The following PDLIM5 variants were observed in gnomAD, a reference collection of about 807,000 sequenced individuals.
PDLIM5 encodes the protein PDZ and LIM domain 5, also known as PDZ and LIM domain protein 5.
In PDLIM5, 34 loss-of-function variants were observed where a neutral mutation model predicts 64.2. The observed-to-expected ratio is 0.53, with a 90% CI of 0.40 to 0.71. The LOEUF (loss-of-function observed/expected upper bound fraction) is 0.71. PDLIM5 is among the 30% of genes least tolerant of loss of function. The pLI, the probability that PDLIM5 is intolerant of heterozygous loss-of-function variation, is 0.00. For synonymous variants in PDLIM5, 253 were observed against 269.1 expected, an observed-to-expected ratio of 0.94 and a Z score of 0.59; for missense variants, 683 against 733.6, an observed-to-expected ratio of 0.93 and a Z score of 0.80.
chr4:94,520,088 T>C (rs951149129), intron 2 of PDLIM5, among the ~76,000 whole-genome samples: 4 of 152,124 alleles, frequency 2.6e-5, no homozygotes, highest in African/African-American at 9.7e-5. Flanking sequence ...TTTCCTTCAT[T>C]TCAGCATCAG....
intron 5 of PDLIM5, among the ~76,000 whole-genome samples, chr4:94,583,783 A>G (rs916902237): frequency 6.6e-6 from 1 of 152,206 alleles, no homozygotes; most frequent in African/African-American, 2.4e-5. Context: ...GTCGTAGAAC[A>G]TGTATTACAG....
chr4:94,601,408 G>C (rs973162492), intron 7 of PDLIM5, among the ~76,000 whole-genome samples: 1 of 152,136 alleles, frequency 6.6e-6, no homozygotes, highest in Non-Finnish European at 1.5e-5. Context: ...TTTGACATAT[G>C]ATTTGGGGCT....
intron 7 of PDLIM5, among the ~76,000 whole-genome samples, chr4:94,608,669 A>G (rs1738122576): frequency 6.6e-6 from 1 of 152,210 alleles, no homozygotes; most frequent in Non-Finnish European, 1.5e-5. Context: ...TGGAGAAGAA[A>G]AAATTAGCTG....
intron 5 of PDLIM5, chr4:94,579,415 A>G (rs1392600918): frequency 4.2e-6 from 2 of 481,092 alleles, no homozygotes; most frequent in Non-Finnish European, 7.4e-6. Flanking sequence ...TGTTGGACTG[A>G]AATTTCTTCT....
intron 3 of PDLIM5, among the ~76,000 whole-genome samples, chr4:94,535,203 T>G (rs558865875): frequency 6.6e-6 from 1 of 152,262 alleles, no homozygotes; most frequent in Admixed American, 6.5e-5. Context: ...AAGTGAGAAC[T>G]GAGCAGTACT....
intron 2 of PDLIM5, chr4:94,456,390 GT>G (rs1723364252): frequency 7.5e-6 from 5 of 664,028 alleles, no homozygotes; most frequent in South Asian, 1.6e-5. Flanking sequence ...TAGAGACCAA[GT>G]TTCCCTATGT....
intron 2 of PDLIM5, among the ~76,000 whole-genome samples, chr4:94,503,357 A>C (rs914421793): frequency 6.6e-6 from 1 of 152,228 alleles, no homozygotes; most frequent in Admixed American, 6.5e-5. Flanking sequence ...TTCAGTGTTT[A>C]AATTATTACT....
At chr4:94,593,916 C>A (rs1322368423) in intron 7 of PDLIM5, among the ~76,000 whole-genome samples, 1 of 152,140 alleles carries the variant, frequency 6.6e-6, no homozygotes, top group Non-Finnish European at 1.5e-5. Context: ...CTTTTCTCAA[C>A]TACAGTAAAA....
At chr4:94,455,860 A>G in intron 2 of PDLIM5, 1 of 1,381,502 alleles carries the variant, frequency 7.2e-7, no homozygotes, top group Non-Finnish European at 9.9e-7. Flanking sequence ...TAAGATGGCC[A>G]AAAGCTACTT....
intron 8 of PDLIM5, among the ~76,000 whole-genome samples, chr4:94,619,557 A>G (rs573414931): frequency 6.6e-5 from 10 of 151,880 alleles, no homozygotes; most frequent in African/African-American, 2.4e-4. Flanking sequence ...GGAGAATGGC[A>G]TGAACCCGGT....
At chr4:94,655,809 C>G (rs1220427020) in intron 10 of PDLIM5, among the ~76,000 whole-genome samples, 2 of 152,092 alleles carry the variant, frequency 1.3e-5, no homozygotes, top group Non-Finnish European at 2.9e-5. Flanking sequence ...GGAGATGGGC[C>G]AGAACTTCAA....
intron 3 of PDLIM5, among the ~76,000 whole-genome samples, chr4:94,564,656 C>CTCTTTTTTTT (rs1553959063): frequency 1.9e-5 from 2 of 104,506 alleles, no homozygotes; most frequent in African/African-American, 8.7e-5. Flanking sequence ...AATTTTGTCT[C>CTCTTTTTTTT]TTTTTTTTTT....
chr4:94,656,135 T>A (rs1215677008), intron 10 of PDLIM5, among the ~76,000 whole-genome samples: 4 of 152,190 alleles, frequency 2.6e-5, no homozygotes, highest in Non-Finnish European at 4.4e-5. Context: ...TTAAATGACC[T>A]AAATATTTAC....
chr4:94,576,007 C>T lies in PDLIM5; in HGVS notation c.683C>T (p.Ser228Phe). 1.2e-6 allele frequency: 2 copies of T among 1,613,772 alleles called. No individual in the cohort carries two copies. Among genetic ancestry groups the T allele is most frequent in the Non-Finnish European group, 1.7e-6 (2 of 1,179,790 alleles). ...QELAEGQRRG[S>F]QGDSKQQNGP... is the part of the protein sequence containing the mutation. Reference sequence around the variant, plus strand: ...CTAGCAGAGGGACAGAGAAGAGGATCCCAGGGTGACAGTAAACAGCAAAAT... The same window carrying T: ...CTAGCAGAGGGACAGAGAAGAGGATTCCAGGGTGACAGTAAACAGCAAAAT... Residue 228 changes from serine to phenylalanine, a missense_variant, in exon 5 of 13, where the codon TCC becomes TTC. Ser to Phe is a radical substitution (Grantham distance 155, BLOSUM62 -2). Transcript: ENST00000317968.
chr4:94,468,039 G>C (rs1285680398), intron 2 of PDLIM5, among the ~76,000 whole-genome samples: 1 of 152,182 alleles, frequency 6.6e-6, no homozygotes, highest in South Asian at 2.1e-4. Context: ...GATATGTTAA[G>C]ACCAATGCAA....
intron 2 of PDLIM5, among the ~76,000 whole-genome samples, chr4:94,477,401 G>A (rs1396498797): frequency 1.3e-5 from 2 of 152,152 alleles, no homozygotes; most frequent in Non-Finnish European, 2.9e-5. Flanking sequence ...ATACACTTCT[G>A]TAACCTTACA....
Position 94,666,272 on chromosome 4 carries a change from G to T in PDLIM5, c.*2205G>T. ...ATGGTCTAGCAGATTTATATTATATGCAGATAATAATTAACTGGGGATAAA... is the reference window on the plus strand; with the variant it reads ...ATGGTCTAGCAGATTTATATTATATTCAGATAATAATTAACTGGGGATAAA... On this transcript the variant is annotated 3_prime_UTR_variant, in exon 13 of 13. Transcript: ENST00000317968. 1 of 389,362 alleles carries T rather than the reference G, an allele frequency of 2.6e-6. No homozygotes were observed. The allele number at this position is 389,362 out of a possible 1,614,324, so 24.1% of individuals were successfully genotyped here. A position where few individuals can be genotyped will look rare whatever the true frequency, so the allele number is the denominator to read the frequency against.
chr4:94,498,710 G>T (rs528495388), intron 2 of PDLIM5, among the ~76,000 whole-genome samples: 1 of 152,170 alleles, frequency 6.6e-6, no homozygotes, highest in African/African-American at 2.4e-5. Context: ...AAGATGAGGA[G>T]GGGAAACTGA....
At position 94,543,994 on chromosome 4, in the gene PDLIM5, A is replaced by T. The variant is rs1280126743; in HGVS notation, c.248+20119A>T. Among the ~76,000 whole-genome samples the T allele has an allele frequency of 2.6e-5, 4 of 151,656 alleles. No homozygotes were observed. The East Asian group carries it at 7.7e-4, about 29-fold the overall frequency. ...AGTTCTATTTCTAATTTTTTAAGGA[A>T]CCTCCACAGTTTTCCATAATGGTTG... On this transcript the variant is annotated intron_variant, in intron 3 of 12. Transcript: ENST00000317968.
Sources: gnomAD v4.1 joint callset for allele counts (sites outside exome capture counted in the v4.1 genomes callset) on GRCh38, gnomAD v4.1.1 for gene constraint, MANE v1.5 for transcripts, NCBI Gene and HGNC (gene_info 2026-07-23, HGNC 2026-07-21) for gene names.